LHFPL3: variants seen among roughly 807,000 people sequenced by gnomAD.
LHFPL3 encodes LHFPL tetraspan subfamily member 3 protein.
LHFPL3 carries 5 observed loss-of-function variants against 19.3 expected under a neutral mutation model. That is an observed-to-expected ratio of 0.26 (90% confidence interval 0.14 to 0.54). The LOEUF is 0.54. Ranked by LOEUF, LHFPL3 falls within the 20% of genes least tolerant of loss-of-function variation. LHFPL3 has a pLI of 0.94. For missense variants in LHFPL3, 249 were observed against 307.4 expected, an observed-to-expected ratio of 0.81 and a Z score of 1.42; for synonymous variants, 133 against 126.2, an observed-to-expected ratio of 1.05 and a Z score of -0.36.
rs187628955 is a variant in LHFPL3, at chr7:104,496,697, G to A, written c.445+167473G>A. 4.6e-5 allele frequency among the ~76,000 whole-genome samples: 7 copies of A among 152,074 alleles called. 1 individual carries two copies. Among genetic ancestry groups the A allele is most frequent in the Admixed American group, 2.0e-4 (3 of 15,260 alleles). ...AACCAAGATTTTTAAACAAAGCTGCGCTGGTTCCAAAGTCTGCATTTAGCC... is the reference window on the plus strand; with the variant it reads ...AACCAAGATTTTTAAACAAAGCTGCACTGGTTCCAAAGTCTGCATTTAGCC... On this transcript the variant is annotated intron_variant, in intron 1 of 2. Transcript: ENST00000424859.
intron 2 of LHFPL3, among the ~76,000 whole-genome samples, chr7:104,771,656 C>T (rs1285292855): frequency 2.0e-5 from 3 of 151,062 alleles, no homozygotes; most frequent in South Asian, 2.1e-4. Flanking sequence ...ATTTTGTAGT[C>T]GCTAATAAAT....
At chr7:104,564,946 C>T (rs1416487981) in intron 1 of LHFPL3, among the ~76,000 whole-genome samples, 1 of 152,204 alleles carries the variant, frequency 6.6e-6, no homozygotes, top group African/African-American at 2.4e-5. Context: ...CTCATGCTCA[C>T]TGCTCCCATC....
chr7:104,748,539 T>C (rs1197990800), intron 2 of LHFPL3, among the ~76,000 whole-genome samples: 1 of 139,586 alleles, frequency 7.2e-6, no homozygotes. Flanking sequence ...CAATACTGCT[T>C]TGTAAAGCAT....
chr7:104,860,830 C>G (rs1272757377), intron 2 of LHFPL3, among the ~76,000 whole-genome samples: 1 of 152,232 alleles, frequency 6.6e-6, no homozygotes, highest in Non-Finnish European at 1.5e-5. Context: ...AAGCTTATAT[C>G]TCCTGTCTCC....
rs182793678 is a variant in LHFPL3, at chr7:104,456,660, G to T, written c.445+127436G>T. Among the ~76,000 whole-genome samples the T allele has an allele frequency of 9.2e-5, 14 of 152,212 alleles. 2 individuals carry two copies. The South Asian group carries it at 2.9e-3, about 32-fold the overall frequency. On this transcript the variant is annotated intron_variant, in intron 1 of 2. Transcript: ENST00000424859. Reference sequence around the variant, plus strand: ...ACGCACTTCATGGCTTTTCTTTGGCGTATTTGAATTGCAAGCATCACTACA... The same window carrying T: ...ACGCACTTCATGGCTTTTCTTTGGCTTATTTGAATTGCAAGCATCACTACA...
At chr7:104,603,271 C>T (rs949119872) in intron 1 of LHFPL3, among the ~76,000 whole-genome samples, 4 of 151,746 alleles carry the variant, frequency 2.6e-5, no homozygotes, top group Admixed American at 2.6e-4. Context: ...TCACAGCTCA[C>T]TGCAGCCTTG....
intron 2 of LHFPL3, among the ~76,000 whole-genome samples, chr7:104,780,863 C>T (rs1200667442): frequency 6.6e-6 from 1 of 152,248 alleles, no homozygotes; most frequent in Non-Finnish European, 1.5e-5. Context: ...AAAACCAAAA[C>T]TGGATATCCA....
At chr7:104,896,628 A>C (rs1366657273) in intron 2 of LHFPL3, among the ~76,000 whole-genome samples, 1 of 152,130 alleles carries the variant, frequency 6.6e-6, no homozygotes, top group Non-Finnish European at 1.5e-5. Context: ...GCAAAGGCCC[A>C]GAGGTGGAGC....
intron 1 of LHFPL3, among the ~76,000 whole-genome samples, chr7:104,515,169 T>A (rs559147528): frequency 5.3e-5 from 8 of 152,204 alleles, no homozygotes; most frequent in African/African-American, 1.9e-4. Flanking sequence ...AAATTTACTC[T>A]TTTGATTTTT....
chr7:104,610,139 C>T (rs1000561471), intron 1 of LHFPL3, among the ~76,000 whole-genome samples: 4 of 152,226 alleles, frequency 2.6e-5, no homozygotes, highest in Admixed American at 1.3e-4. Context: ...CAATCCAATA[C>T]AATAAGTCAA....
intron 1 of LHFPL3, among the ~76,000 whole-genome samples, chr7:104,481,640 T>C (rs1309238581): frequency 6.6e-6 from 1 of 152,084 alleles, no homozygotes; most frequent in Admixed American, 6.6e-5. Context: ...TGCTCGGTGC[T>C]GAATCTAACA....
At chr7:104,733,231 C>A (rs1333585822) in intron 1 of LHFPL3, among the ~76,000 whole-genome samples, 2 of 152,172 alleles carry the variant, frequency 1.3e-5, no homozygotes, top group African/African-American at 4.8e-5. Context: ...CTGTAGATGT[C>A]TATTAGGTCT....
chr7:104,339,300 A>G (rs553555570), intron 1 of LHFPL3, among the ~76,000 whole-genome samples: 22 of 152,304 alleles, frequency 1.4e-4, no homozygotes, highest in African/African-American at 4.8e-4. Context: ...TTGAGCAACG[A>G]CCACTTGCAA....
intron 1 of LHFPL3, among the ~76,000 whole-genome samples, chr7:104,586,910 C>A (rs897938399): frequency 1.3e-5 from 2 of 152,108 alleles, no homozygotes; most frequent in African/African-American, 4.8e-5. Flanking sequence ...GTTGAAAAGA[C>A]CCTTCTTCCA....
chr7:104,745,797 G>A (rs973666882), intron 2 of LHFPL3, among the ~76,000 whole-genome samples: 2 of 152,120 alleles, frequency 1.3e-5, no homozygotes, highest in Non-Finnish European at 2.9e-5. Flanking sequence ...GAAAAAAGGG[G>A]GAGGCTTTCA....
chr7:104,375,086 C>T (rs893287310), intron 1 of LHFPL3, among the ~76,000 whole-genome samples: 1 of 152,174 alleles, frequency 6.6e-6, no homozygotes, highest in Non-Finnish European at 1.5e-5. Flanking sequence ...CCCCTGTAAT[C>T]CCAACACTTT....
chr7:104,704,508 C>G (rs1793154414), intron 1 of LHFPL3, among the ~76,000 whole-genome samples: 1 of 147,854 alleles, frequency 6.8e-6, no homozygotes. Flanking sequence ...CTTTCCATTT[C>G]CATGAGGATA....
intron 1 of LHFPL3, among the ~76,000 whole-genome samples, chr7:104,622,125 G>C (rs1791456628): frequency 6.6e-6 from 1 of 151,864 alleles, no homozygotes; most frequent in Admixed American, 6.6e-5. Context: ...TCTTTTTTTA[G>C]ACATCTCTCT....
chr7:104,817,164 C>T (rs566355796), intron 2 of LHFPL3, among the ~76,000 whole-genome samples: 3 of 152,306 alleles, frequency 2.0e-5, no homozygotes, highest in African/African-American at 7.2e-5. Context: ...CTTTGCTCAG[C>T]GCGGGCTACG....
Sources: gnomAD v4.1 joint callset for allele counts (sites outside exome capture counted in the v4.1 genomes callset) on GRCh38, gnomAD v4.1.1 for gene constraint, MANE v1.5 for transcripts, NCBI Gene and HGNC (gene_info 2026-07-23, HGNC 2026-07-21) for gene names.